The following UNC13C variants were observed in gnomAD, a reference collection of about 807,000 sequenced individuals.
The protein encoded by UNC13C is unc-13 homolog C.
Under a neutral mutation model 245.4 loss-of-function variants are expected in UNC13C, and 174 were observed. The ratio of observed to expected loss-of-function variants is 0.71; its 90% CI spans 0.63 to 0.80. The LOEUF (loss-of-function observed/expected upper bound fraction) is 0.80. UNC13C is among the 30% of genes least tolerant of loss of function. The pLI is 0.00. For synonymous variants in UNC13C, 992 were observed against 895.1 expected, an observed-to-expected ratio of 1.11 and a Z score of -1.93; for missense variants, 2,829 against 2,602.9, an observed-to-expected ratio of 1.09 and a Z score of -1.89.
At chr15:54,193,354 CAT>C (rs1180909481) in intron 4 of UNC13C, among the ~76,000 whole-genome samples, 2 of 152,160 alleles carry the variant, frequency 1.3e-5, no homozygotes, top group Admixed American at 6.6e-5. Flanking sequence ...ATACACAACA[CAT>C]GTTTTCTATC....
intron 17 of UNC13C, among the ~76,000 whole-genome samples, chr15:54,379,551 A>G (rs969092226): frequency 3.3e-5 from 5 of 152,078 alleles, no homozygotes; most frequent in Admixed American, 6.6e-5. Flanking sequence ...AACTTTTCCT[A>G]CGAACATGAG....
chr15:54,267,268 A>G (rs1013074574), intron 10 of UNC13C, among the ~76,000 whole-genome samples: 1 of 145,320 alleles, frequency 6.9e-6, no homozygotes. Flanking sequence ...GAATTGATTC[A>G]TCTTTTTTTA....
chr15:54,510,263 A>G (rs184564759), intron 23 of UNC13C, among the ~76,000 whole-genome samples: 15 of 152,300 alleles, frequency 9.8e-5, no homozygotes, highest in Admixed American at 9.2e-4. Context: ...AGGATTGCCC[A>G]GATTCACACC....
At chr15:54,417,698 C>A (rs2040550956) in intron 19 of UNC13C, among the ~76,000 whole-genome samples, 3 of 151,980 alleles carry the variant, frequency 2.0e-5, no homozygotes, top group Admixed American at 1.3e-4. Context: ...GAGATTAGAG[C>A]TTTTTGAAAA....
At chr15:54,468,893 G>T (rs1253901843) in intron 19 of UNC13C, among the ~76,000 whole-genome samples, 3 of 151,110 alleles carry the variant, frequency 2.0e-5, no homozygotes, top group Admixed American at 1.3e-4. Flanking sequence ...CTTCTCCTTT[G>T]GCTCAAGATT....
intron 17 of UNC13C, among the ~76,000 whole-genome samples, chr15:54,352,780 A>G (rs1331356925): frequency 6.6e-6 from 1 of 152,060 alleles, no homozygotes; most frequent in Non-Finnish European, 1.5e-5. Context: ...CAGGAAATGA[A>G]TTGGTCCCTT....
intron 24 of UNC13C, among the ~76,000 whole-genome samples, chr15:54,512,755 C>G (rs1894807398): frequency 6.6e-6 from 1 of 152,160 alleles, no homozygotes; most frequent in East Asian, 1.9e-4. Flanking sequence ...GTGCGTAATG[C>G]TAGGATGCAT....
chr15:54,089,917 C>A (rs11071036), intron 2 of UNC13C, among the ~76,000 whole-genome samples: 69,496 of 151,946 alleles, frequency 0.46, 17,928 homozygotes, highest in Non-Finnish European at 0.59. Context: ...GGTAGGACTT[C>A]CAATGTGCTG....
chr15:53,899,375 G>A, the UNC13C span, among the ~76,000 whole-genome samples: 100 of 152,190 alleles, frequency 6.6e-4, no homozygotes, highest in African/African-American at 2.4e-3. Flanking sequence ...GTCTCAAATC[G>A]CTTCCTTCAA....
chr15:54,591,188 G>A (rs147636369), intron 30 of UNC13C, among the ~76,000 whole-genome samples: 1,761 of 152,152 alleles, frequency 0.012, 34 homozygotes, highest in African/African-American at 0.04. Context: ...TGTTGGATTC[G>A]GTTAGCAAGT....
At chr15:54,471,630 G>A (rs1001765878) in intron 19 of UNC13C, among the ~76,000 whole-genome samples, 1 of 151,314 alleles carries the variant, frequency 6.6e-6, no homozygotes, top group Admixed American at 6.6e-5. Flanking sequence ...GTAGCATATA[G>A]GTATAGTCTA....
chr15:54,203,884 GTGTATA>G (rs1320237662), intron 4 of UNC13C, among the ~76,000 whole-genome samples: 1 of 98,806 alleles, frequency 1.0e-5, no homozygotes, highest in Non-Finnish European at 2.5e-5. Flanking sequence ...ATATACACAT[GTGTATA>G]TGTATATGTG....
intron 2 of UNC13C, among the ~76,000 whole-genome samples, chr15:54,132,153 G>A (rs1216130793): frequency 6.8e-6 from 1 of 146,784 alleles, no homozygotes; most frequent in African/African-American, 2.6e-5. Flanking sequence ...TGCAAGCTCC[G>A]CCTCCCAGGT....
chr15:53,895,181 T>C, the UNC13C span, among the ~76,000 whole-genome samples: 5 of 151,686 alleles, frequency 3.3e-5, no homozygotes, highest in African/African-American at 1.2e-4. Flanking sequence ...CTGGCCAACA[T>C]GGTGAAACCT....
intron 1 of UNC13C, among the ~76,000 whole-genome samples, chr15:53,981,740 C>T (rs1195342990): frequency 6.6e-6 from 1 of 152,080 alleles, no homozygotes; most frequent in African/African-American, 2.4e-5. Flanking sequence ...ATTTGTTTCA[C>T]TTGTAGTCTT....
intron 2 of UNC13C, among the ~76,000 whole-genome samples, chr15:54,109,144 G>T (rs1044092141): frequency 6.6e-6 from 1 of 152,044 alleles, no homozygotes; most frequent in African/African-American, 2.4e-5. Flanking sequence ...CATCTGTGCT[G>T]TCTTAGCCTC....
intron 2 of UNC13C, among the ~76,000 whole-genome samples, chr15:54,054,382 T>G: frequency 6.6e-6 from 1 of 152,218 alleles, no homozygotes; most frequent in Middle Eastern, 3.2e-3. Flanking sequence ...GATTTGTCTA[T>G]GCATCCTGCT....
chr15:53,900,595 G>A, the UNC13C span, among the ~76,000 whole-genome samples: 9 of 152,196 alleles, frequency 5.9e-5, no homozygotes, highest in African/African-American at 2.2e-4. Context: ...TTCCTCCAAG[G>A]AGGGCAACAG....
chr15:53,893,313 A>G, the UNC13C span, among the ~76,000 whole-genome samples: 10 of 152,204 alleles, frequency 6.6e-5, no homozygotes, highest in African/African-American at 2.4e-4. Context: ...GTTATCTCCC[A>G]GTCAGGATAC....
Sources: allele counts gnomAD v4.1 joint callset (sites outside exome capture counted in the v4.1 genomes callset), GRCh38; gene constraint gnomAD v4.1.1; transcripts MANE v1.5; gene names NCBI Gene and HGNC (gene_info 2026-07-23, HGNC 2026-07-21).